The following TNRC6B variants were observed in gnomAD, a reference collection of about 807,000 sequenced individuals.
TNRC6B encodes the protein trinucleotide repeat-containing gene 6B protein.
In TNRC6B, 52 loss-of-function variants were observed where a neutral mutation model predicts 203.6. The ratio of observed to expected loss-of-function variants is 0.26; its 90% CI spans 0.20 to 0.32. The LOEUF is 0.32. Among genes scored for constraint, TNRC6B ranks in the 10% least tolerant of loss-of-function variants. The pLI, the probability that TNRC6B is intolerant of heterozygous loss-of-function variation, is 1.00. For synonymous variants in TNRC6B, 838 were observed against 845.7 expected, an observed-to-expected ratio of 0.99 and a Z score of 0.16; for missense variants, 1,923 against 2,286.2, an observed-to-expected ratio of 0.84 and a Z score of 3.24.
chr22:40,184,546 T>C (rs895946557), intron 1 of TNRC6B, among the ~76,000 whole-genome samples: 2 of 152,246 alleles, frequency 1.3e-5, no homozygotes, highest in Admixed American at 1.3e-4. Context: ...TTGAAGGGTT[T>C]TAAGTGGGAA....
intron 1 of TNRC6B, among the ~76,000 whole-genome samples, chr22:40,092,039 G>A (rs1326356592): frequency 2.6e-5 from 4 of 152,100 alleles, no homozygotes; most frequent in Admixed American, 6.5e-5. Flanking sequence ...TTCAGAAGTC[G>A]AAAATGAAGA....
intron 3 of TNRC6B, among the ~76,000 whole-genome samples, chr22:40,129,882 A>G (rs2068526099): frequency 6.6e-6 from 1 of 152,140 alleles, no homozygotes; most frequent in African/African-American, 2.4e-5. Flanking sequence ...GTTTATTTGT[A>G]TTTACTTTGT....
rs2071453924 is a variant in TNRC6B at position 40,330,513 on chromosome 22, G to C, written c.*7272G>C. ...CAAAAATGGGAAAGGTGGGTATTTA[G>C]GCAAAACAAAATAAAAACCTTTGGA... is the stretch of plus-strand genomic sequence containing the variant. On this transcript the variant is annotated 3_prime_UTR_variant, in exon 23 of 23. Transcript: ENST00000454349. 6.6e-6 allele frequency: 1 copy of C among 152,378 alleles called. No individual in the cohort carries two copies. The highest frequency in any genetic ancestry group is 2.4e-5 in the African/African-American group (1 of 41,416). The allele number at this position is 152,378 out of a possible 1,614,324, so 9.4% of individuals were successfully genotyped here.
intron 1 of TNRC6B, among the ~76,000 whole-genome samples, chr22:40,101,395 TC>T (rs2146305140): frequency 6.6e-6 from 1 of 152,302 alleles, no homozygotes; most frequent in East Asian, 1.9e-4. Flanking sequence ...CATTTCTGGC[TC>T]ACTAGTTCTG....
Position 40,328,174 on chromosome 22 carries a change from G to A in TNRC6B, c.*4933G>A, listed in dbSNP as rs2071425715. ...TACAACATTCATAGGAGTTAACTTA[G>A]CAGTGTTGCAAGTTAAGGTTCCAAA... On this transcript the variant is annotated 3_prime_UTR_variant, in exon 23 of 23. Transcript: ENST00000454349. The A allele has an allele frequency of 6.6e-6, 1 of 152,216 alleles. No homozygotes were observed. The highest frequency in any genetic ancestry group is 1.5e-5 in the Non-Finnish European group (1 of 68,044). 9.4% of individuals were successfully genotyped at this position (152,216 alleles called of 1,614,324 possible).
At chr22:40,160,389 T>C (rs900711518) in intron 4 of TNRC6B, among the ~76,000 whole-genome samples, 2 of 148,324 alleles carry the variant, frequency 1.3e-5, no homozygotes, top group African/African-American at 2.5e-5. Flanking sequence ...GGCAGGAGAA[T>C]GGCTTGCACC....
chr22:40,155,706 A>G (rs921888979), intron 3 of TNRC6B, among the ~76,000 whole-genome samples: 3 of 151,992 alleles, frequency 2.0e-5, no homozygotes, highest in Non-Finnish European at 4.4e-5. Flanking sequence ...ATTTTAGCCA[A>G]CCTAGTAGTT....
chr22:40,081,314 T>TTTG (rs1249645975), intron 1 of TNRC6B, among the ~76,000 whole-genome samples: 4 of 147,906 alleles, frequency 2.7e-5, no homozygotes, highest in African/African-American at 1.0e-4. Flanking sequence ...CGTGTTTTTT[T>TTTG]TTTTTTTTTT....
intron 1 of TNRC6B, among the ~76,000 whole-genome samples, chr22:40,182,159 C>G (rs915198818): frequency 4.6e-5 from 7 of 151,620 alleles, no homozygotes; most frequent in African/African-American, 1.5e-4. Context: ...GCAGGAGAAT[C>G]GTTTGAACCC....
At chr22:40,148,544 A>G (rs2068716842) in intron 3 of TNRC6B, among the ~76,000 whole-genome samples, 1 of 149,678 alleles carries the variant, frequency 6.7e-6, no homozygotes, top group Non-Finnish European at 1.5e-5. Context: ...GCCCCCCACA[A>G]AGTGCTGAGA....
rs1183827797 is a variant in TNRC6B, at chr22:40,264,905, C to T, written c.675C>T (p.Gly225=). 4 of 1,613,918 alleles carry T rather than the reference C, an allele frequency of 2.5e-6. No individual in the cohort carries two copies. Among genetic ancestry groups the T allele is most frequent in the Non-Finnish European group, 2.5e-6 (3 of 1,179,874 alleles). Reference sequence around the variant, plus strand: ...ATAACAACAGTGCCTCGAACCCTGGCTCTGAGAAGAGCACTCTGCCAGGAA... The same window carrying T: ...ATAACAACAGTGCCTCGAACCCTGGTTCTGAGAAGAGCACTCTGCCAGGAA... ...TTDNNSASNP[G]SEKSTLPGST... is the part of the protein sequence containing the mutation. Residue 225 remains glycine (G), a synonymous_variant, in exon 5 of 23, where the codon GGC becomes GGT. Transcript: ENST00000454349.
At chr22:40,257,082 A>T (rs1042391729) in intron 3 of TNRC6B, among the ~76,000 whole-genome samples, 3 of 152,346 alleles carry the variant, frequency 2.0e-5, no homozygotes, top group Admixed American at 6.5e-5. Flanking sequence ...CATCAGATTT[A>T]AAATGTTCAG....
intron 1 of TNRC6B, among the ~76,000 whole-genome samples, chr22:40,228,013 T>C (rs1423807873): frequency 6.6e-6 from 1 of 152,224 alleles, no homozygotes; most frequent in Non-Finnish European, 1.5e-5. Flanking sequence ...CCGCTATTCC[T>C]CATCTTCTTT....
chr22:40,320,947 A>G, intron 21 of TNRC6B, 143 bp from the exon 22 acceptor site: 1 of 885,558 alleles, frequency 1.1e-6, no homozygotes, highest in Non-Finnish European at 1.7e-6. Flanking sequence ...AGGCTGAATC[A>G]TATGCTTTTG....
intron 8 of TNRC6B, 112 bp downstream of exon 8, chr22:40,277,263 A>G (rs2070657058): frequency 2.8e-6 from 2 of 710,370 alleles, no homozygotes; most frequent in African/African-American, 3.7e-5. Context: ...TTTAAAAACT[A>G]GTTAAGCAAT....
At chr22:40,136,269 A>G (rs952095212) in intron 3 of TNRC6B, among the ~76,000 whole-genome samples, 3 of 151,882 alleles carry the variant, frequency 2.0e-5, no homozygotes, top group African/African-American at 7.3e-5. Flanking sequence ...TGAAATGTTC[A>G]TTTTTTAAGT....
intron 1 of TNRC6B, among the ~76,000 whole-genome samples, chr22:40,087,206 T>C (rs2068108084): frequency 6.6e-6 from 1 of 152,212 alleles, no homozygotes; most frequent in South Asian, 2.1e-4. Flanking sequence ...TTAGAATGAT[T>C]GTATATTTAA....
chr22:40,125,867 G>T (rs769130494), intron 3 of TNRC6B: 14 of 1,611,050 alleles, frequency 8.7e-6, no homozygotes, highest in Non-Finnish European at 1.2e-5. Context: ...TCCAAGGTCA[G>T]TAAATTACTG....
At chr22:40,136,214 G>T (rs370003968) in intron 3 of TNRC6B, among the ~76,000 whole-genome samples, 1 of 152,194 alleles carries the variant, frequency 6.6e-6, no homozygotes. Flanking sequence ...TTCTAAATGA[G>T]TTGGTGTTAG....
Sources: allele counts gnomAD v4.1 joint callset (sites outside exome capture counted in the v4.1 genomes callset), GRCh38; gene constraint gnomAD v4.1.1; transcripts MANE v1.5; gene names NCBI Gene and HGNC (gene_info 2026-07-23, HGNC 2026-07-21).